Variants in SEMA3A observed in about 807,000 individuals in gnomAD.
The protein encoded by SEMA3A is semaphorin 3A, also known as semaphorin-3A.
Under a neutral mutation model 97.9 loss-of-function variants are expected in SEMA3A, and 29 were observed. The observed-to-expected ratio is 0.30, with a 90% CI of 0.22 to 0.40. SEMA3A has a LOEUF of 0.40. Among genes scored for constraint, SEMA3A ranks in the 10% least tolerant of loss-of-function variants. The pLI is 1.00. For synonymous variants in SEMA3A, 321 were observed against 323.7 expected (o/e 0.99, Z 0.09); for missense variants, 763 against 951.3 (o/e 0.80, Z 2.60).
chr7:84,054,343 G>C (rs899062358), intron 5 of SEMA3A, among the ~76,000 whole-genome samples: 4 of 152,036 alleles, frequency 2.6e-5, no homozygotes, highest in East Asian at 1.9e-4. Flanking sequence ...GTCACTTTCA[G>C]GTACACCAAT....
chr7:84,147,393 T>C (rs1212733505), intron 1 of SEMA3A, among the ~76,000 whole-genome samples: 7 of 152,216 alleles, frequency 4.6e-5, no homozygotes, highest in Admixed American at 4.6e-4. Flanking sequence ...AAAGTCTTCC[T>C]TATTCATTGA....
At chr7:84,363,712 C>CT (rs1802779522) in intron 2 of SEMA3A, among the ~76,000 whole-genome samples, 1 of 151,856 alleles carries the variant, frequency 6.6e-6, no homozygotes, top group Admixed American at 6.6e-5. Flanking sequence ...AGCAGCTGTG[C>CT]TCTTTTTGTG....
chr7:84,224,091 A>G (rs1032849309), intron 3 of SEMA3A, among the ~76,000 whole-genome samples: 2 of 152,040 alleles, frequency 1.3e-5, no homozygotes, highest in Admixed American at 6.6e-5. Flanking sequence ...ATGAATTATA[A>G]TTTTCTCACA....
chr7:84,095,865 G>T (rs1012372013), intron 4 of SEMA3A, among the ~76,000 whole-genome samples: 1 of 151,560 alleles, frequency 6.6e-6, no homozygotes, highest in South Asian at 2.1e-4. Context: ...CTAAAGTATT[G>T]AAACAATATT....
chr7:84,363,685 T>C (rs1562920490), intron 2 of SEMA3A, among the ~76,000 whole-genome samples: 1 of 151,864 alleles, frequency 6.6e-6, no homozygotes, highest in South Asian at 2.1e-4. Context: ...TTCACAACTA[T>C]TCTGCTCCTC....
intron 1 of SEMA3A, among the ~76,000 whole-genome samples, chr7:84,451,988 C>G (rs759056067): frequency 3.3e-5 from 5 of 152,106 alleles, no homozygotes; most frequent in Non-Finnish European, 5.9e-5. Context: ...TACTCTTAAT[C>G]TATAAGTGAA....
At chr7:84,299,338 A>ATC (rs368421141) in intron 3 of SEMA3A, among the ~76,000 whole-genome samples, 62,056 of 113,160 alleles carry the variant, frequency 0.55, 16,429 homozygotes, top group Non-Finnish European at 0.58. Flanking sequence ...ATATATATGT[A>ATC]TCTCTCTCTC....
intron 6 of SEMA3A, among the ~76,000 whole-genome samples, chr7:84,031,939 A>T (rs887037147): frequency 6.6e-6 from 1 of 152,238 alleles, no homozygotes; most frequent in Non-Finnish European, 1.5e-5. Flanking sequence ...AGATAAAAAC[A>T]TTGGTATTTG....
chr7:84,195,024 A>AAGAGAGAGAGAGAGAG (rs60880561), upstream of SEMA3A: 1 of 140,566 alleles, frequency 7.1e-6, no homozygotes, highest in African/African-American at 2.7e-5. Context: ...GAGAGAGAGA[A>AAGAGAGAGAGAGAGAG]AGAGAGAGAG....
chr7:84,361,050 T>C (rs2116063888), intron 2 of SEMA3A, among the ~76,000 whole-genome samples: 1 of 152,278 alleles, frequency 6.6e-6, no homozygotes, highest in Non-Finnish European at 1.5e-5. Context: ...TCCATTTTTT[T>C]CTGTTGAATA....
In SEMA3A at chr7:84,425,864, ACACACACACACACC is replaced by A. The variant is rs1374362898; in HGVS notation, c.-245-53978_-245-53965del. 4.0e-3 allele frequency among the ~76,000 whole-genome samples: 458 copies of A among 114,532 alleles called. 3 individuals carry two copies. The highest frequency in any genetic ancestry group is 0.018 in the African/African-American group (430 of 24,442). The allele number at this position is 114,532 out of a possible 152,430, so 75.1% of individuals were successfully genotyped here. On this transcript the variant is annotated intron_variant, in intron 1 of 3. Coordinates refer to the SEMA3A transcript ENST00000424555. ...TATAATGTTTATATAACACACACAC[ACACACACACACACC>A]CACACACACACTACTCAGTCTTAAA... is the stretch of plus-strand genomic sequence containing the variant.
chr7:84,479,794 T>A (rs1806395414), intron 1 of SEMA3A, among the ~76,000 whole-genome samples: 2 of 152,284 alleles, frequency 1.3e-5, no homozygotes, highest in East Asian at 3.9e-4. Context: ...TTCAACAATT[T>A]AACAACAATA....
intron 3 of SEMA3A, among the ~76,000 whole-genome samples, chr7:84,215,549 A>C (rs1487222202): frequency 1.3e-5 from 2 of 152,298 alleles, no homozygotes; most frequent in African/African-American, 4.8e-5. Flanking sequence ...TTAAACCAGT[A>C]ACTCTTTTTT....
intron 4 of SEMA3A, among the ~76,000 whole-genome samples, chr7:84,074,751 T>C (rs933869564): frequency 6.6e-5 from 10 of 152,026 alleles, no homozygotes; most frequent in Admixed American, 1.3e-4. Context: ...AATATAGTTG[T>C]TAACTAAAAT....
At chr7:84,065,846 G>A (rs1216390565) in intron 4 of SEMA3A, among the ~76,000 whole-genome samples, 1 of 151,886 alleles carries the variant, frequency 6.6e-6, no homozygotes, top group African/African-American at 2.4e-5. Context: ...GAGGTACGAG[G>A]AGGAACTGGT....
At chr7:84,218,208 T>C (rs1250343024) in intron 3 of SEMA3A, among the ~76,000 whole-genome samples, 3 of 152,124 alleles carry the variant, frequency 2.0e-5, no homozygotes, top group Non-Finnish European at 4.4e-5. Flanking sequence ...ATATTTTTGG[T>C]ATGATTCCTT....
intron 6 of SEMA3A, among the ~76,000 whole-genome samples, chr7:84,040,814 G>C (rs1481826935): frequency 6.6e-6 from 1 of 152,058 alleles, no homozygotes; most frequent in Admixed American, 6.6e-5. Flanking sequence ...AGAAAAAAAT[G>C]TAAAAAACAA....
intron 3 of SEMA3A, among the ~76,000 whole-genome samples, chr7:84,282,741 C>T (rs1423381028): frequency 6.6e-6 from 1 of 152,090 alleles, no homozygotes; most frequent in Admixed American, 6.6e-5. Context: ...GGGCCGGGTG[C>T]AGTGGCTCAT....
At chr7:84,050,906 C>G (rs1007974793) in intron 5 of SEMA3A, among the ~76,000 whole-genome samples, 1 of 151,288 alleles carries the variant, frequency 6.6e-6, no homozygotes, top group Non-Finnish European at 1.5e-5. Flanking sequence ...AGGAAGGGAT[C>G]CAGTTTCAGT....
Sources: gnomAD v4.1 joint callset for allele counts (sites outside exome capture counted in the v4.1 genomes callset) on GRCh38, gnomAD v4.1.1 for gene constraint, MANE v1.5 for transcripts, NCBI Gene and HGNC (gene_info 2026-07-23, HGNC 2026-07-21) for gene names.